The following SLC24A2 variants were observed in gnomAD, a reference collection of about 807,000 sequenced individuals.
SLC24A2 encodes the protein solute carrier family 24 member 2.
A neutral mutation model predicts 62.0 loss-of-function variants in SLC24A2; 36 were observed. The observed-to-expected ratio is 0.58, with a 90% CI of 0.44 to 0.77. The LOEUF (loss-of-function observed/expected upper bound fraction) is 0.77, where lower values mean the gene tolerates loss of function less well. Ranked by LOEUF, SLC24A2 falls within the 30% of genes least tolerant of loss-of-function variation. The pLI, the probability that SLC24A2 is intolerant of heterozygous loss-of-function variation, is 0.00. For missense variants in SLC24A2, 846 were observed against 817.9 expected (o/e 1.03, Z -0.42); for synonymous variants, 358 against 294.0 (o/e 1.22, Z -2.23).
chr9:19,990,240 A>C, the SLC24A2 span, among the ~76,000 whole-genome samples: 1 of 152,136 alleles, frequency 6.6e-6, no homozygotes, highest in Non-Finnish European at 1.5e-5. Context: ...GGGCCTATAC[A>C]AAACTGTAGT....
the SLC24A2 span, among the ~76,000 whole-genome samples, chr9:19,909,028 C>T: frequency 6.6e-6 from 1 of 152,186 alleles, no homozygotes; most frequent in Non-Finnish European, 1.5e-5. Flanking sequence ...AAGACACATG[C>T]ACACGTATGT....
chr9:19,963,667 A>T, the SLC24A2 span, among the ~76,000 whole-genome samples: 5 of 152,218 alleles, frequency 3.3e-5, no homozygotes, highest in Non-Finnish European at 2.9e-5. Flanking sequence ...AACCACAGTG[A>T]GATACCATCT....
chr9:19,612,490 C>T (rs558048428), intron 4 of SLC24A2, among the ~76,000 whole-genome samples: 5 of 152,168 alleles, frequency 3.3e-5, no homozygotes, highest in Admixed American at 6.5e-5. Context: ...TATATTAGCT[C>T]GCATACTATT....
At chr9:20,041,925 G>GC in the SLC24A2 span, among the ~76,000 whole-genome samples, 8 of 152,256 alleles carry the variant, frequency 5.3e-5, no homozygotes, top group Non-Finnish European at 8.8e-5. Flanking sequence ...GCTGCCGAGA[G>GC]CCCCCCTTTC....
chr9:19,636,005 C>T (rs905853546), intron 2 of SLC24A2, among the ~76,000 whole-genome samples: 1 of 152,160 alleles, frequency 6.6e-6, no homozygotes, highest in Admixed American at 6.5e-5. Context: ...TTTACACTTT[C>T]GTCCCCATGG....
At chr9:19,636,383 C>CTTTCTTTCTTTCTTTCTTTA (rs1818350621) in intron 2 of SLC24A2, among the ~76,000 whole-genome samples, 1 of 21,624 alleles carries the variant, frequency 4.6e-5, no homozygotes, top group Non-Finnish European at 9.6e-5. Context: ...TTCTTTCTTT[C>CTTTCTTTCTTTCTTTCTTTA]TTTCTCCCTC....
the SLC24A2 span, among the ~76,000 whole-genome samples, chr9:20,078,301 C>T: frequency 1.3e-5 from 2 of 151,942 alleles, no homozygotes; most frequent in Non-Finnish European, 2.9e-5. Context: ...TTCCAGCCTC[C>T]CCACTTCCCC....
chr9:19,866,021 A>C, the SLC24A2 span, among the ~76,000 whole-genome samples: 6 of 152,324 alleles, frequency 3.9e-5, no homozygotes, highest in African/African-American at 1.4e-4. Context: ...TAATAATCCA[A>C]TTTAAAAATG....
the SLC24A2 span, among the ~76,000 whole-genome samples, chr9:20,292,195 C>T: frequency 6.6e-6 from 1 of 152,082 alleles, no homozygotes; most frequent in Non-Finnish European, 1.5e-5. Context: ...ACTGCAGTAC[C>T]TCTGTCTCCC....
chr9:19,556,563 C>A (rs139685182), intron 7 of SLC24A2, among the ~76,000 whole-genome samples: 1 of 152,078 alleles, frequency 6.6e-6, no homozygotes, highest in Non-Finnish European at 1.5e-5. Flanking sequence ...GGAGCAATCT[C>A]GGAGGATCAC....
At chr9:19,746,849 C>T (rs1050626209) in intron 2 of SLC24A2, among the ~76,000 whole-genome samples, 1 of 152,038 alleles carries the variant, frequency 6.6e-6, no homozygotes, top group African/African-American at 2.4e-5. Flanking sequence ...GTTTTGAGTT[C>T]CTTTTGGGGG....
the SLC24A2 span, among the ~76,000 whole-genome samples, chr9:19,885,699 C>T: frequency 6.6e-6 from 1 of 152,096 alleles, no homozygotes; most frequent in Non-Finnish European, 1.5e-5. Context: ...TTTCATCACC[C>T]AGGTAGCATA....
chr9:19,614,972 G>A (rs1251099098), intron 4 of SLC24A2, among the ~76,000 whole-genome samples: 3 of 152,074 alleles, frequency 2.0e-5, no homozygotes, highest in Non-Finnish European at 4.4e-5. Context: ...ACAAAATTAT[G>A]AGTAATAAGA....
chr9:19,551,117 C>T (rs1247547318), intron 7 of SLC24A2, among the ~76,000 whole-genome samples: 1 of 152,210 alleles, frequency 6.6e-6, no homozygotes, highest in African/African-American at 2.4e-5. Context: ...GACCTCTCTT[C>T]ATTTCTCCCT....
intron 4 of SLC24A2, 114 bp downstream of exon 4, chr9:19,619,470 C>G (rs1270178540): frequency 2.1e-5 from 18 of 855,756 alleles, no homozygotes; most frequent in Non-Finnish European, 3.7e-5. Context: ...AGAAGCTAAA[C>G]AAGAGGAGGC....
At chr9:20,260,753 C>G in the SLC24A2 span, among the ~76,000 whole-genome samples, 2 of 151,652 alleles carry the variant, frequency 1.3e-5, no homozygotes, top group African/African-American at 4.9e-5. Flanking sequence ...CACCTATCAC[C>G]GGAAGAGTGT....
the SLC24A2 span, among the ~76,000 whole-genome samples, chr9:20,253,841 G>A: frequency 1.3e-5 from 2 of 152,110 alleles, no homozygotes; most frequent in African/African-American, 4.8e-5. Flanking sequence ...TTGGCACTGG[G>A]TCAGGTGTAT....
the SLC24A2 span, among the ~76,000 whole-genome samples, chr9:20,148,396 C>T: frequency 2.6e-5 from 4 of 151,890 alleles, no homozygotes; most frequent in Admixed American, 1.3e-4. Flanking sequence ...TAAAACTTAC[C>T]CTTTGAAATT....
the SLC24A2 span, among the ~76,000 whole-genome samples, chr9:20,218,770 G>C: frequency 2.6e-5 from 4 of 152,044 alleles, no homozygotes; most frequent in African/African-American, 7.2e-5. Context: ...AAATTTAGCA[G>C]CTTCAATCAC....
Sources: allele counts gnomAD v4.1 joint callset (sites outside exome capture counted in the v4.1 genomes callset), GRCh38; gene constraint gnomAD v4.1.1; transcripts MANE v1.5; gene names NCBI Gene and HGNC (gene_info 2026-07-23, HGNC 2026-07-21).